CTNNBIP1: variants seen among roughly 807,000 people sequenced by gnomAD.
The protein encoded by CTNNBIP1 is catenin beta interacting protein 1.
Under a neutral mutation model 11.8 loss-of-function variants are expected in CTNNBIP1, and 7 were observed. The ratio of observed to expected loss-of-function variants is 0.60; its 90% CI spans 0.34 to 1.12. CTNNBIP1 has a LOEUF of 1.12. CTNNBIP1 is among the 50% of genes most tolerant of loss of function. CTNNBIP1 has a pLI of 0.03. For missense variants in CTNNBIP1, 101 were observed against 113.4 expected (o/e 0.89, Z 0.50); for synonymous variants, 58 against 43.9 (o/e 1.32, Z -1.26).
chr1:9,857,507 A>AG (rs1457335056), intron 5 of CTNNBIP1, among the ~76,000 whole-genome samples: 1 of 147,876 alleles, frequency 6.8e-6, no homozygotes, highest in African/African-American at 2.5e-5. Context: ...AAAAAAAAAA[A>AG]GGCCAGGCAC....
Position 9,848,641 on chromosome 1 carries a change from T to TGC in CTNNBIP1, c.*2075_*2076dup, listed in dbSNP as rs1638313173. 1 of 152,208 alleles carries TGC rather than the reference T, an allele frequency of 6.6e-6. No individual in the cohort carries two copies. Among genetic ancestry groups the TGC allele is most frequent in the South Asian group, 2.1e-4 (1 of 4,836 alleles). 9.4% of individuals were successfully genotyped at this position (152,208 alleles called of 1,614,324 possible). A position where few individuals can be genotyped will look rare whatever the true frequency, so the allele number is the denominator to read the frequency against. ...CCTGAGCGGGGAGAGTGCGTGTGTGTGCACATGTGTATGAGTGTGCACACG... is the reference window on the plus strand; with the variant it reads ...CCTGAGCGGGGAGAGTGCGTGTGTGTGCGCACATGTGTATGAGTGTGCACACG... On this transcript the variant is annotated 3_prime_UTR_variant, in exon 6 of 6. Coordinates refer to ENST00000377263, the MANE Select transcript of CTNNBIP1 (RefSeq NM_020248.3). This position sits in a 1 kb window ranked among gnomAD's most constrained non-coding sequence, Gnocchi z 4.3.
At position 9,897,270 on chromosome 1, in the gene CTNNBIP1, T is replaced by C. The variant is rs1186487691; in HGVS notation, c.-144+12825A>G. ...GAGATCGAGACCATCCTGGCTAACA[T>C]GGTGAAACCCCGTCTCTACTAAAAA... On this transcript the variant is annotated intron_variant, in intron 1 of 5. Coordinates refer to ENST00000377263, the MANE Select transcript of CTNNBIP1 (RefSeq NM_020248.3). Among the ~76,000 whole-genome samples, 19 of 151,354 alleles carry C rather than the reference T, an allele frequency of 1.3e-4. No homozygotes were observed. The South Asian group carries it at 3.3e-3, about 27-fold the overall frequency.
chr1:9,895,696 CAT>C (rs1284673147), intron 1 of CTNNBIP1, among the ~76,000 whole-genome samples: 1 of 151,976 alleles, frequency 6.6e-6, no homozygotes, highest in African/African-American at 2.4e-5. Context: ...AGGATTTCAC[CAT>C]GTTGGCCAGG....
At chr1:9,880,614 T>C (rs1158409915) in intron 2 of CTNNBIP1, among the ~76,000 whole-genome samples, 2 of 152,224 alleles carry the variant, frequency 1.3e-5, no homozygotes, top group African/African-American at 2.4e-5. Context: ...AAAGCGTTCC[T>C]ATTTCTCCAC....
intron 1 of CTNNBIP1, among the ~76,000 whole-genome samples, chr1:9,888,710 AC>A (rs1639237431): frequency 1.3e-5 from 2 of 152,052 alleles, no homozygotes; most frequent in African/African-American, 4.8e-5. Flanking sequence ...ATGCAGGAGG[AC>A]CCTTTCCTCT....
chr1:9,884,858 G>A (rs1001149599), intron 1 of CTNNBIP1, among the ~76,000 whole-genome samples: 3 of 152,100 alleles, frequency 2.0e-5, no homozygotes, highest in African/African-American at 7.2e-5. Flanking sequence ...GAGTTGGGGA[G>A]CAGAGCTGGA....
chr1:9,888,096 TTACAG>T (rs1639221975), intron 1 of CTNNBIP1, among the ~76,000 whole-genome samples: 1 of 151,524 alleles, frequency 6.6e-6, no homozygotes, highest in African/African-American at 2.4e-5. Context: ...AGTGCTGGAA[TTACAG>T]GCATGAGCCA....
At chr1:9,891,495 A>T (rs2101527130) in intron 1 of CTNNBIP1, among the ~76,000 whole-genome samples, 1 of 152,290 alleles carries the variant, frequency 6.6e-6, no homozygotes, top group Admixed American at 6.5e-5. Flanking sequence ...GGTGAGGATT[A>T]GGTCATTAAA....
intron 2 of CTNNBIP1, among the ~76,000 whole-genome samples, chr1:9,879,617 T>C (rs1205817435): frequency 6.6e-6 from 1 of 152,222 alleles, no homozygotes; most frequent in Non-Finnish European, 1.5e-5. Context: ...ATTGCTCTTT[T>C]ATTCCTCTAG....
intron 1 of CTNNBIP1, among the ~76,000 whole-genome samples, chr1:9,891,464 G>A (rs1426322138): frequency 6.6e-6 from 1 of 152,162 alleles, no homozygotes; most frequent in African/African-American, 2.4e-5. Flanking sequence ...CCCAGGGCTG[G>A]GAAAGCCTCC....
At chr1:9,859,733 A>G (rs546904657) in intron 5 of CTNNBIP1, among the ~76,000 whole-genome samples, 32 of 152,240 alleles carry the variant, frequency 2.1e-4, no homozygotes, top group Non-Finnish European at 4.6e-4. Context: ...CTAAAGCCCC[A>G]AGGCCAATCC....
intron 5 of CTNNBIP1, among the ~76,000 whole-genome samples, chr1:9,864,527 A>T (rs1638703563): frequency 6.6e-6 from 1 of 152,128 alleles, no homozygotes; most frequent in African/African-American, 2.4e-5. Flanking sequence ...ACGGAGTTTC[A>T]CCATGTTAGC....
chr1:9,906,079 T>C (rs1233394777), intron 1 of CTNNBIP1, among the ~76,000 whole-genome samples: 1 of 152,232 alleles, frequency 6.6e-6, no homozygotes, highest in Non-Finnish European at 1.5e-5. Context: ...GTCTTCTGAG[T>C]ATCTACTAGG....
At chr1:9,907,459 A>C (rs1431143833) in intron 1 of CTNNBIP1, among the ~76,000 whole-genome samples, 2 of 152,188 alleles carry the variant, frequency 1.3e-5, no homozygotes, top group African/African-American at 4.8e-5. Context: ...GGGGTGAGCC[A>C]CTGCACCTGG....
In CTNNBIP1 at chr1:9,848,634, G is replaced by C. The variant is rs114793321; in HGVS notation, c.*2084C>G. The C allele has an allele frequency of 6.6e-6, 1 of 152,214 alleles. No homozygotes were observed. The highest frequency in any genetic ancestry group is 6.5e-5 in the Admixed American group (1 of 15,278). The allele number at this position is 152,214 out of a possible 1,614,324, so 9.4% of individuals were successfully genotyped here. A position where few individuals can be genotyped will look rare whatever the true frequency, so the allele number is the denominator to read the frequency against. ...CCAGGCCCCTGAGCGGGGAGAGTGC[G>C]TGTGTGTGCACATGTGTATGAGTGT... On this transcript the variant is annotated 3_prime_UTR_variant, in exon 6 of 6. Coordinates refer to ENST00000377263, the MANE Select transcript of CTNNBIP1 (RefSeq NM_020248.3). The surrounding 1 kb of genome is among the most constrained non-coding windows in gnomAD (Gnocchi z 4.3).
intron 5 of CTNNBIP1, among the ~76,000 whole-genome samples, chr1:9,852,229 G>A (rs1238538256): frequency 6.6e-6 from 1 of 152,210 alleles, no homozygotes; most frequent in African/African-American, 2.4e-5. Context: ...TCTACCAAGA[G>A]AGGGAGGACG....
chr1:9,858,805 A>G (rs1638564007), intron 5 of CTNNBIP1, among the ~76,000 whole-genome samples: 1 of 152,188 alleles, frequency 6.6e-6, no homozygotes, highest in Non-Finnish European at 1.5e-5. Context: ...TTTACAGATG[A>G]GGAAACTGAA....
At chr1:9,859,618 G>A (rs1296119448) in intron 5 of CTNNBIP1, among the ~76,000 whole-genome samples, 2 of 152,186 alleles carry the variant, frequency 1.3e-5, no homozygotes, top group Non-Finnish European at 1.5e-5. Context: ...TGAATATACT[G>A]GGCAGCTCGA....
At chr1:9,863,516 G>A (rs1321755325) in intron 5 of CTNNBIP1, among the ~76,000 whole-genome samples, 3 of 152,168 alleles carry the variant, frequency 2.0e-5, no homozygotes, top group African/African-American at 4.8e-5. Context: ...TGCAAAGGAG[G>A]GGCCCAGCCG....
Sources: allele counts gnomAD v4.1 joint callset (sites outside exome capture counted in the v4.1 genomes callset), GRCh38; gene constraint gnomAD v4.1.1; non-coding constraint Gnocchi (gnomAD v3.1); transcripts MANE v1.5; gene names NCBI Gene and HGNC (gene_info 2026-07-23, HGNC 2026-07-21).